The following CRACD variants were observed in gnomAD, a reference collection of about 807,000 sequenced individuals.
The protein encoded by CRACD is capping protein inhibiting regulator of actin dynamics.
A neutral mutation model predicts 106.8 loss-of-function variants in CRACD; 56 were observed. That is an observed-to-expected ratio of 0.52 (90% CI 0.42 to 0.66). The LOEUF is 0.66. CRACD is among the 30% of genes least tolerant of loss of function. The pLI, the probability that CRACD is intolerant of heterozygous loss-of-function variation, is 0.00. For synonymous variants in CRACD, 754 were observed against 670.8 expected (o/e 1.12, Z -1.92); for missense variants, 1,730 against 1,623.2 (o/e 1.07, Z -1.13).
chr4:56,310,537 G>A (rs1745079025), intron 5 of CRACD, 129 bp from the exon 6 acceptor site: 2 of 668,284 alleles, frequency 3.0e-6, no homozygotes, highest in South Asian at 1.8e-5. Context: ...ACACCTGCTG[G>A]CTCTCTGAGG....
rs1287374834 is a variant in CRACD at position 56,315,802 on chromosome 4, G to A, written c.2300G>A (p.Arg767His). ...CCCCAGCCTCCTCCTGCTGGTGTTC[G>A]CGAGCTCGGGAAGGGTCCGGAGAAG... ...TAPQPPPAGVRELGKGPEKSE... is the reference protein window; with the variant it reads ...TAPQPPPAGVHELGKGPEKSE... The change falls in exon 8 of 11, where the codon CGC (arginine) becomes CAC (histidine). Residue 767 changes from arginine to histidine, a missense_variant. This residue lies in a region of CRACD where 1,620 missense variants were observed against 1,481.6 expected (regional missense o/e 1.09). Coordinates refer to ENST00000682029, the MANE Select transcript of CRACD (RefSeq NM_001393381.1). The surrounding 1 kb of genome is among the most constrained non-coding windows in gnomAD (Gnocchi z 4.1). The A allele has an allele frequency of 6.2e-7, 1 of 1,614,174 alleles. No individual in the cohort carries two copies.
At chr4:56,313,965 C>A in intron 7 of CRACD, 75 bp from the exon 8 acceptor site, 1 of 1,527,880 alleles carries the variant, frequency 6.5e-7, no homozygotes. Flanking sequence ...GGGTCGCTGG[C>A]ACTGTGAATA....
chr4:56,177,006 A>G (rs1736611620), intron 1 of CRACD, among the ~76,000 whole-genome samples: 1 of 152,188 alleles, frequency 6.6e-6, no homozygotes, highest in African/African-American at 2.4e-5. Flanking sequence ...ATCTGCAAAC[A>G]AGTACAATTT....
intron 1 of CRACD, among the ~76,000 whole-genome samples, chr4:56,122,534 A>G (rs551920117): frequency 3.3e-5 from 5 of 152,032 alleles, no homozygotes; most frequent in Non-Finnish European, 5.9e-5. Context: ...TCATGGTTTC[A>G]TTTATTTTAA....
chr4:56,315,025 A>G lies in CRACD; in HGVS notation c.1523A>G (p.Lys508Arg). The stretch of plus-strand genomic sequence containing the variant: ...GCCGCGCAGCCTCCGGTGGAGAGGA[A>G]AGAAGCCGCCGCCCTTGAACAAGGC... ...VEAAQPPVER[K>R]EAAALEQGRK... is the part of the protein sequence containing the mutation. Residue 508 changes from lysine to arginine, a missense_variant, in exon 8 of 11, where the codon AAA becomes AGA. Physicochemically the swap from Lys to Arg is conservative, Grantham distance 26. Coordinates refer to ENST00000682029, the MANE Select transcript of CRACD (RefSeq NM_001393381.1). The surrounding 1 kb of genome is among the most constrained non-coding windows in gnomAD (Gnocchi z 4.1). 1 of 1,595,044 alleles carries G rather than the reference A, an allele frequency of 6.3e-7. No homozygotes were observed. The highest frequency in any genetic ancestry group is 8.5e-7 in the Non-Finnish European group (1 of 1,172,202).
chr4:56,079,540 C>T (rs115207878), intron 1 of CRACD, among the ~76,000 whole-genome samples: 83 of 151,404 alleles, frequency 5.5e-4, no homozygotes, highest in African/African-American at 1.8e-3. Context: ...CTGCCTCCTG[C>T]GTTCAAATCG....
chr4:56,134,935 CTTT>C (rs368298732), intron 1 of CRACD, among the ~76,000 whole-genome samples: 5 of 146,492 alleles, frequency 3.4e-5, no homozygotes, highest in East Asian at 2.0e-4. Flanking sequence ...TTGATACTGG[CTTT>C]TTTTTTTTCC....
chr4:56,194,157 A>T (rs1306833358), intron 2 of CRACD, among the ~76,000 whole-genome samples: 1 of 152,244 alleles, frequency 6.6e-6, no homozygotes, highest in Non-Finnish European at 1.5e-5. Context: ...TGCAGTATAC[A>T]GTGGCAAAAG....
chr4:56,320,379 A>T (rs1746006444), intron 8 of CRACD, among the ~76,000 whole-genome samples: 1 of 152,176 alleles, frequency 6.6e-6, no homozygotes, highest in Admixed American at 6.5e-5. Flanking sequence ...GAATGGGTTT[A>T]TATTGGAGCA....
intron 1 of CRACD, among the ~76,000 whole-genome samples, chr4:56,142,510 T>C (rs1735238333): frequency 6.6e-6 from 1 of 152,232 alleles, no homozygotes; most frequent in African/African-American, 2.4e-5. Flanking sequence ...TCCTTTTTTC[T>C]TTTTACTTTT....
At chr4:56,145,813 G>A (rs1447862834) in intron 1 of CRACD, among the ~76,000 whole-genome samples, 1 of 151,778 alleles carries the variant, frequency 6.6e-6, no homozygotes, top group African/African-American at 2.4e-5. Flanking sequence ...TATTTGAGAT[G>A]GAATTTTGCC....
chr4:56,068,059 A>G (rs1732521126), intron 1 of CRACD, among the ~76,000 whole-genome samples: 1 of 152,184 alleles, frequency 6.6e-6, no homozygotes, highest in South Asian at 2.1e-4. Context: ...AAGAGAGGTC[A>G]TATTTCAGGT....
intron 1 of CRACD, among the ~76,000 whole-genome samples, chr4:56,164,198 A>G (rs549006647): frequency 2.1e-4 from 31 of 150,324 alleles, no homozygotes; most frequent in Non-Finnish European, 4.0e-4. Context: ...GCAGTGGCGC[A>G]ATTTCGGCTC....
chr4:56,298,849 C>T (rs1349107005), intron 4 of CRACD, among the ~76,000 whole-genome samples: 2 of 152,162 alleles, frequency 1.3e-5, no homozygotes, highest in African/African-American at 2.4e-5. Context: ...AGGAGAATCA[C>T]TTGAATCCGG....
chr4:56,161,493 C>G (rs1050683347), intron 1 of CRACD, among the ~76,000 whole-genome samples: 1 of 152,030 alleles, frequency 6.6e-6, no homozygotes, highest in Non-Finnish European at 1.5e-5. Context: ...ACTATGTCAC[C>G]CAGGCTGGAG....
chr4:56,249,130 G>A (rs1162900143), intron 2 of CRACD, among the ~76,000 whole-genome samples: 1 of 147,806 alleles, frequency 6.8e-6, no homozygotes, highest in African/African-American at 2.5e-5. Context: ...TCTAGTTGTA[G>A]ATCCCTGAGG....
At chr4:56,102,852 T>C (rs1041637092) in intron 1 of CRACD, among the ~76,000 whole-genome samples, 4 of 152,230 alleles carry the variant, frequency 2.6e-5, no homozygotes, top group Non-Finnish European at 5.9e-5. Context: ...ACGTTCTCTC[T>C]GTCTGAGCTC....
intron 2 of CRACD, among the ~76,000 whole-genome samples, chr4:56,223,844 G>A (rs1288377964): frequency 4.6e-5 from 7 of 152,114 alleles, no homozygotes; most frequent in Non-Finnish European, 8.8e-5. Context: ...CTGCATCCTC[G>A]AACTTATGGG....
intron 2 of CRACD, among the ~76,000 whole-genome samples, chr4:56,189,455 T>A (rs1482250662): frequency 6.6e-6 from 1 of 151,220 alleles, no homozygotes; most frequent in Admixed American, 6.6e-5. Flanking sequence ...CCTGCAGGTT[T>A]GTTACATATG....
Sources: allele counts gnomAD v4.1 joint callset (sites outside exome capture counted in the v4.1 genomes callset), GRCh38; gene constraint gnomAD v4.1.1; regional missense constraint gnomAD v4.1.1; non-coding constraint Gnocchi (gnomAD v3.1); transcripts MANE v1.5; gene names NCBI Gene and HGNC (gene_info 2026-07-23, HGNC 2026-07-21).